The following SEMA4D variants were observed in gnomAD, a reference collection of about 807,000 sequenced individuals.
The protein encoded by SEMA4D is semaphorin-4D.
In SEMA4D, 22 loss-of-function variants were observed where a neutral mutation model predicts 74.8. The observed-to-expected ratio is 0.29, with a 90% CI of 0.21 to 0.42. SEMA4D has a LOEUF of 0.42. SEMA4D is among the 10% of genes least tolerant of loss of function. The probability of loss-of-function intolerance (pLI) is 1.00; values close to 1 mark genes in which losing one functional copy is unlikely to be tolerated. For synonymous variants in SEMA4D, 445 were observed against 463.7 expected, an observed-to-expected ratio of 0.96 and a Z score of 0.52; for missense variants, 937 against 1,118.4, an observed-to-expected ratio of 0.84 and a Z score of 2.31.
chr9:89,463,539 C>T (rs144483967), intron 1 of SEMA4D, among the ~76,000 whole-genome samples: 1 of 152,306 alleles, frequency 6.6e-6, no homozygotes, highest in East Asian at 1.9e-4. Context: ...TTCGCTGCTG[C>T]TTTTTCATTT....
At chr9:89,428,893 C>A (rs1364917273) in intron 2 of SEMA4D, among the ~76,000 whole-genome samples, 4 of 152,234 alleles carry the variant, frequency 2.6e-5, no homozygotes, top group African/African-American at 7.2e-5. Flanking sequence ...TAGGGCTCTG[C>A]CCCCTGGGTC....
At chr9:89,451,670 A>G (rs1307771867) in intron 2 of SEMA4D, among the ~76,000 whole-genome samples, 1 of 152,220 alleles carries the variant, frequency 6.6e-6, no homozygotes, top group African/African-American at 2.4e-5. Context: ...TACCTCCGGC[A>G]TGCTGTCCCA....
At chr9:89,434,918 T>C (rs963645611) in intron 2 of SEMA4D, among the ~76,000 whole-genome samples, 1 of 152,204 alleles carries the variant, frequency 6.6e-6, no homozygotes, top group African/African-American at 2.4e-5. Context: ...CATGGCCTAG[T>C]GTGGGCAATA....
intron 1 of SEMA4D, among the ~76,000 whole-genome samples, chr9:89,461,700 C>CTTTTTTTTTTT (rs61696689): frequency 5.2e-4 from 54 of 103,646 alleles, no homozygotes; most frequent in East Asian, 2.6e-3. Context: ...TCTTTTTTCT[C>CTTTTTTTTTTT]TTTTTTTTTT....
intron 5 of SEMA4D, among the ~76,000 whole-genome samples, chr9:89,397,290 A>C (rs1368745976): frequency 6.6e-6 from 1 of 152,210 alleles, no homozygotes; most frequent in African/African-American, 2.4e-5. Flanking sequence ...ACTCTTGCTA[A>C]GTACGTGGAC....
At chr9:89,463,974 C>T (rs547995787) in intron 1 of SEMA4D, among the ~76,000 whole-genome samples, 1 of 151,340 alleles carries the variant, frequency 6.6e-6, no homozygotes, top group East Asian at 1.9e-4. Context: ...CCAACTAGAG[C>T]CAAAGGCTTA....
chr9:89,393,797 G>A, intron 6 of SEMA4D, 142 bp from the exon 7 acceptor site: 2 of 657,126 alleles, frequency 3.0e-6, no homozygotes, highest in Non-Finnish European at 5.4e-6. Context: ...AGCTACAGGA[G>A]TCCCGCCCAC....
In SEMA4D at chr9:89,412,763, C is replaced by T. The variant is rs114482361; in HGVS notation, c.-243-7064G>A. On this transcript the variant is annotated intron_variant, in intron 2 of 15. Transcript: ENST00000422704. ...TGAGTAGCCAAAGGTCAGGACAGACCCCATGCCACATACTGCTCCTCCCAG... is the reference window on the plus strand; with the variant it reads ...TGAGTAGCCAAAGGTCAGGACAGACTCCATGCCACATACTGCTCCTCCCAG... Among the ~76,000 whole-genome samples, 493 of 152,266 alleles carry T rather than the reference C, an allele frequency of 3.2e-3. 2 individuals are homozygous for T. The highest frequency in any genetic ancestry group is 0.011 in the African/African-American group (467 of 41,538).
At chr9:89,452,020 C>G (rs1296460691) in intron 2 of SEMA4D, among the ~76,000 whole-genome samples, 3 of 151,976 alleles carry the variant, frequency 2.0e-5, no homozygotes, top group Non-Finnish European at 2.9e-5. Flanking sequence ...GGCAGTACCA[C>G]CGACACAGCC....
At chr9:89,443,474 G>C (rs993606330) in intron 2 of SEMA4D, among the ~76,000 whole-genome samples, 6 of 152,214 alleles carry the variant, frequency 3.9e-5, no homozygotes, top group African/African-American at 1.4e-4. Context: ...CTGTCTGACA[G>C]AAAATGAGCC....
chr9:89,462,961 CGAGCGAGGGGAGGG>C (rs1857658366), intron 1 of SEMA4D, among the ~76,000 whole-genome samples: 1 of 19,844 alleles, frequency 5.0e-5, no homozygotes, highest in African/African-American at 2.2e-4. Context: ...GAGGGGGGAG[CGAGCGAGGGGAGGG>C]GAGCGAGGGA....
chr9:89,466,965 T>A (rs1355216033), intron 1 of SEMA4D, among the ~76,000 whole-genome samples: 5 of 152,214 alleles, frequency 3.3e-5, no homozygotes, highest in African/African-American at 4.8e-5. Flanking sequence ...TGTTACTCTT[T>A]TACAAGCAAC....
At chr9:89,466,941 C>A (rs1564896559) in intron 1 of SEMA4D, among the ~76,000 whole-genome samples, 1 of 152,178 alleles carries the variant, frequency 6.6e-6, no homozygotes, top group Non-Finnish European at 1.5e-5. Context: ...GAATGCAAGG[C>A]CCAAAAAGGG....
chr9:89,469,012 C>T (rs1032522839), intron 1 of SEMA4D, among the ~76,000 whole-genome samples: 1 of 152,122 alleles, frequency 6.6e-6, no homozygotes, highest in African/African-American at 2.4e-5. Context: ...CCTGATTAGA[C>T]TGGTTCCACA....
downstream of SEMA4D, among the ~76,000 whole-genome samples, chr9:89,374,947 G>T (rs940118724): frequency 4.6e-5 from 7 of 152,220 alleles, no homozygotes; most frequent in African/African-American, 1.7e-4. Context: ...CAGCTACTAG[G>T]GGGGCTGATG....
At chr9:89,458,539 C>T (rs563864243) in intron 1 of SEMA4D, among the ~76,000 whole-genome samples, 28 of 152,166 alleles carry the variant, frequency 1.8e-4, no homozygotes, top group African/African-American at 5.3e-4. Flanking sequence ...CATACATGCA[C>T]ACACCCATCC....
chr9:89,401,550 G>A (rs1184420214), intron 4 of SEMA4D, among the ~76,000 whole-genome samples: 2 of 152,146 alleles, frequency 1.3e-5, no homozygotes, highest in Non-Finnish European at 2.9e-5. Context: ...ACCCAAACAG[G>A]CTGCTGTTGA....
At chr9:89,388,308 T>C (rs1045627405) in intron 11 of SEMA4D, among the ~76,000 whole-genome samples, 6 of 152,240 alleles carry the variant, frequency 3.9e-5, no homozygotes, top group Non-Finnish European at 5.9e-5. Flanking sequence ...TCCTGTTGAC[T>C]AGTGGACAGT....
chr9:89,411,880 G>T (rs1185484212), intron 2 of SEMA4D, among the ~76,000 whole-genome samples: 1 of 152,236 alleles, frequency 6.6e-6, no homozygotes, highest in Non-Finnish European at 1.5e-5. Context: ...CAGTGGCACA[G>T]GATTTAATGC....
Sources: gnomAD v4.1 joint callset for allele counts (sites outside exome capture counted in the v4.1 genomes callset) on GRCh38, gnomAD v4.1.1 for gene constraint, MANE v1.5 for transcripts, NCBI Gene and HGNC (gene_info 2026-07-23, HGNC 2026-07-21) for gene names.